Variants in RAP1GAP2 observed in about 807,000 individuals in gnomAD.
RAP1GAP2 encodes the protein rap1 GTPase-activating protein 2.
Under a neutral mutation model 95.0 loss-of-function variants are expected in RAP1GAP2, and 27 were observed. The ratio of observed to expected loss-of-function variants is 0.28; its 90% CI spans 0.21 to 0.39. The LOEUF is 0.39. Ranked by LOEUF, RAP1GAP2 falls within the 10% of genes least tolerant of loss-of-function variation. The pLI is 1.00. For synonymous variants in RAP1GAP2, 373 were observed against 380.9 expected (o/e 0.98, Z 0.24); for missense variants, 771 against 970.0 (o/e 0.79, Z 2.72).
rs143455549 is a variant in RAP1GAP2 at position 2,983,262 on chromosome 17, C to T, written c.730-1721C>T. 7.4e-3 allele frequency among the ~76,000 whole-genome samples: 1,122 copies of T among 151,870 alleles called. 6 individuals are homozygous for T. The highest frequency in any genetic ancestry group is 0.019 in the Admixed American group (283 of 15,258). On this transcript the variant is annotated intron_variant, in intron 10 of 24. Transcript: ENST00000254695. ...TAAATGTCACATTTAATGTTTTCAC[C>T]GCTGTCCTTCAAATCTAAGTTGTGC...
intron 2 of RAP1GAP2, among the ~76,000 whole-genome samples, chr17:2,850,541 G>C (rs2071792879): frequency 6.6e-6 from 1 of 150,436 alleles, no homozygotes; most frequent in Admixed American, 6.6e-5. Flanking sequence ...GAGGTCAGGA[G>C]ATCGAGACCA....
rs1288226074 is a variant in RAP1GAP2 at position 2,998,211 on chromosome 17, T to A, written c.1045-10T>A. Reference sequence around the variant, plus strand: ...AACTGGCTTATAACCTCTCAACACTTTTTATTTAGCTCCAGAGAAAGAGAC... The same window carrying A: ...AACTGGCTTATAACCTCTCAACACTATTTATTTAGCTCCAGAGAAAGAGAC... On this transcript the variant is annotated splice_polypyrimidine_tract_variant and intron_variant, in intron 13 of 24. Coordinates refer to ENST00000254695, the MANE Select transcript of RAP1GAP2 (RefSeq NM_015085.5). 7 of 1,612,742 alleles carry A rather than the reference T, an allele frequency of 4.3e-6. No individual in the cohort carries two copies. In the South Asian group the frequency reaches 6.6e-5, roughly 15 times the overall value.
chr17:2,878,481 G>T (rs887181558), intron 2 of RAP1GAP2, among the ~76,000 whole-genome samples: 1 of 152,136 alleles, frequency 6.6e-6, no homozygotes, highest in Non-Finnish European at 1.5e-5. Flanking sequence ...TCTGTATGCC[G>T]TATCGCTGAC....
intron 3 of RAP1GAP2, among the ~76,000 whole-genome samples, chr17:2,943,236 A>T (rs2043571589): frequency 6.6e-6 from 1 of 152,202 alleles, no homozygotes; most frequent in Non-Finnish European, 1.5e-5. Context: ...CTGCACAGCA[A>T]AGGAAACAAT....
At chr17:2,918,967 G>A (rs745468059) in intron 3 of RAP1GAP2, among the ~76,000 whole-genome samples, 1 of 152,156 alleles carries the variant, frequency 6.6e-6, no homozygotes, top group African/African-American at 2.4e-5. Flanking sequence ...TGAAATGTGC[G>A]GAGAATAGCA....
chr17:2,953,716 G>A (rs1055477299), intron 3 of RAP1GAP2, among the ~76,000 whole-genome samples: 6 of 152,052 alleles, frequency 3.9e-5, no homozygotes, highest in Non-Finnish European at 5.9e-5. Flanking sequence ...GCATGGGGGC[G>A]CATGCCTGTA....
At chr17:2,796,435 G>A (rs532132141), upstream of RAP1GAP2, 29 of 1,427,320 alleles carry the variant, frequency 2.0e-5, no homozygotes, top group Admixed American at 2.2e-4. This position sits in a 1 kb window ranked among gnomAD's most constrained non-coding sequence, Gnocchi z 4.7. Flanking sequence ...GCCCTGCACC[G>A]GCACTGACCC....
At position 2,827,457 on chromosome 17, in the gene RAP1GAP2, C is replaced by T. The variant is rs906349288; in HGVS notation, c.80+26907C>T. 1.1e-4 allele frequency among the ~76,000 whole-genome samples: 15 copies of T among 141,502 alleles called. No homozygotes were observed. The highest frequency in any genetic ancestry group is 2.4e-4 in the East Asian group (1 of 4,142). 92.8% of individuals were successfully genotyped at this position (141,502 alleles called of 152,430 possible). On this transcript the variant is annotated intron_variant, in intron 2 of 24. Coordinates refer to ENST00000254695, the MANE Select transcript of RAP1GAP2 (RefSeq NM_015085.5). This position sits in a 1 kb window ranked among gnomAD's most constrained non-coding sequence, Gnocchi z 4.1. ...ACAGTGAGGCGATGAGGGTGGGGCT[C>T]GGGGCTGGGGGAAGGGGCTACCCTG...
intron 2 of RAP1GAP2, among the ~76,000 whole-genome samples, chr17:2,848,809 C>T (rs562023316): frequency 2.6e-5 from 4 of 152,314 alleles, no homozygotes; most frequent in Non-Finnish European, 5.9e-5. Flanking sequence ...CCACCGCACC[C>T]GGCCCAGCTC....
chr17:2,790,408 C>T (rs567237928), intron 1 of RAP1GAP2, among the ~76,000 whole-genome samples: 2 of 152,220 alleles, frequency 1.3e-5, no homozygotes, highest in Admixed American at 6.5e-5. Context: ...CGTGAGCCAC[C>T]GCACCCGACC....
rs182449078 is a variant in RAP1GAP2, at chr17:2,866,685, C to T, written c.81-38599C>T. ...TGCGATCTCGGCTCACTGCAGCCTC[C>T]GCCTCCCGGGTTCAAGCGATTCTCC... On this transcript the variant is annotated intron_variant, in intron 2 of 24. Transcript: ENST00000254695. This position sits in a 1 kb window ranked among gnomAD's most constrained non-coding sequence, Gnocchi z 4.0. Among the ~76,000 whole-genome samples the T allele has an allele frequency of 1.1e-4, 17 of 152,090 alleles. No individual in the cohort carries two copies. The East Asian group carries it at 1.2e-3, about 10-fold the overall frequency.
chr17:2,854,093 A>T, intron 2 of RAP1GAP2: 1 of 985,368 alleles, frequency 1.0e-6, no homozygotes, highest in Non-Finnish European at 1.2e-6. Context: ...AGGCAGAATA[A>T]AGAGAAAAGG....
Position 2,858,024 on chromosome 17 carries a change from C to T in RAP1GAP2, c.81-47260C>T, listed in dbSNP as rs1035094539. On this transcript the variant is annotated intron_variant, in intron 2 of 24. Transcript: ENST00000254695. ...CTGAGGCAGGACAACTGCTTGAACC[C>T]GGGAGGCTGAGGTTGCAGTGAGCTG... is the stretch of plus-strand genomic sequence containing the variant. Among the ~76,000 whole-genome samples the T allele has an allele frequency of 2.6e-5, 4 of 152,262 alleles. No individual in the cohort carries two copies. In the East Asian group the frequency reaches 7.7e-4, roughly 29 times the overall value.
At chr17:2,860,665 G>A (rs1018126668) in intron 2 of RAP1GAP2, among the ~76,000 whole-genome samples, 8 of 139,474 alleles carry the variant, frequency 5.7e-5, no homozygotes, top group African/African-American at 1.6e-4. Flanking sequence ...GTGCAGTGGC[G>A]CGATCTCAGC....
At chr17:3,028,446 C>T (rs1278699749) in intron 22 of RAP1GAP2, among the ~76,000 whole-genome samples, 1 of 152,112 alleles carries the variant, frequency 6.6e-6, no homozygotes, top group Non-Finnish European at 1.5e-5. Flanking sequence ...ACAAATAATT[C>T]TCTGACCCCA....
chr17:2,828,146 G>A (rs1040699933), intron 2 of RAP1GAP2, among the ~76,000 whole-genome samples: 5 of 152,192 alleles, frequency 3.3e-5, no homozygotes, highest in Non-Finnish European at 7.4e-5. Flanking sequence ...TTCGAGACCA[G>A]CCTGGCTAAC....
intron 1 of RAP1GAP2, among the ~76,000 whole-genome samples, chr17:2,768,891 C>G (rs1436751631): frequency 6.6e-6 from 1 of 150,856 alleles, no homozygotes; most frequent in African/African-American, 2.5e-5. Flanking sequence ...ACTGCTGACT[C>G]CTGACCCCTG....
chr17:2,779,843 C>T (rs1045528591), intron 1 of RAP1GAP2, among the ~76,000 whole-genome samples: 5 of 151,764 alleles, frequency 3.3e-5, no homozygotes, highest in African/African-American at 9.7e-5. Context: ...CAGAAGGTGG[C>T]CAAGAAGCAT....
rs1194282646 is a variant in RAP1GAP2, at chr17:2,830,407, A to G, written c.80+29857A>G. Among the ~76,000 whole-genome samples, 6 of 142,494 alleles carry G rather than the reference A, an allele frequency of 4.2e-5. No homozygotes were observed. The South Asian group carries it at 1.3e-3, about 32-fold the overall frequency. 93.5% of individuals were successfully genotyped at this position (142,494 alleles called of 152,430 possible). A position where few individuals can be genotyped will look rare whatever the true frequency, so the allele number is the denominator to read the frequency against. On this transcript the variant is annotated intron_variant, in intron 2 of 24. Coordinates refer to ENST00000254695, the MANE Select transcript of RAP1GAP2 (RefSeq NM_015085.5). ...ACTCCAGTCTGGGCGACAGAGGAAAACTCCGTCTCAAAAAATTAAAAAAGA... is the reference window on the plus strand; with the variant it reads ...ACTCCAGTCTGGGCGACAGAGGAAAGCTCCGTCTCAAAAAATTAAAAAAGA...
Sources: gnomAD v4.1 joint callset for allele counts (sites outside exome capture counted in the v4.1 genomes callset) on GRCh38, gnomAD v4.1.1 for gene constraint, Gnocchi (gnomAD v3.1) non-coding constraint, MANE v1.5 for transcripts, NCBI Gene and HGNC (gene_info 2026-07-23, HGNC 2026-07-21) for gene names.